NRXN1: variants seen among roughly 807,000 people sequenced by gnomAD.
NRXN1 encodes neurexin 1, also known as neurexin-1.
In NRXN1, 39 loss-of-function variants were observed where a neutral mutation model predicts 150.9. The ratio of observed to expected loss-of-function variants is 0.26; its 90% CI spans 0.20 to 0.34. The LOEUF is 0.34. NRXN1 is among the 10% of genes least tolerant of loss of function. The pLI, the probability that NRXN1 is intolerant of heterozygous loss-of-function variation, is 1.00. For missense variants in NRXN1, 1,815 were observed against 1,949.9 expected (o/e 0.93, Z 1.30); for synonymous variants, 924 against 757.0 (o/e 1.22, Z -3.62).
intron 9 of NRXN1, chr2:50,548,001 A>G (rs575070174): frequency 1.3e-5 from 2 of 152,296 alleles, no homozygotes; most frequent in South Asian, 2.1e-4. Flanking sequence ...AAAATGAGAA[A>G]GTTTTAGAAA....
At chr2:50,228,558 T>A (rs1256230759) in intron 18 of NRXN1, among the ~76,000 whole-genome samples, 1 of 152,040 alleles carries the variant, frequency 6.6e-6, no homozygotes, top group Non-Finnish European at 1.5e-5. Flanking sequence ...AGTATGGTAG[T>A]GACAGAAGTC....
chr2:49,982,062 T>C (rs745578941), intron 21 of NRXN1, among the ~76,000 whole-genome samples: 4 of 152,100 alleles, frequency 2.6e-5, no homozygotes, highest in Non-Finnish European at 5.9e-5. Context: ...CCAATGTACA[T>C]AAAGTCAAGA....
intron 21 of NRXN1, among the ~76,000 whole-genome samples, chr2:49,981,462 C>T (rs2152508251): frequency 6.6e-6 from 1 of 152,096 alleles, no homozygotes; most frequent in Middle Eastern, 3.4e-3. Flanking sequence ...AGTTGAGGCA[C>T]AACAATGGAC....
intron 8 of NRXN1, among the ~76,000 whole-genome samples, chr2:50,595,397 T>C (rs1408851181): frequency 6.7e-6 from 1 of 149,954 alleles, no homozygotes; most frequent in African/African-American, 2.5e-5. Context: ...CCCTTGATTA[T>C]GATTTATGGG....
At chr2:50,552,357 A>C (rs911487277) in intron 9 of NRXN1, among the ~76,000 whole-genome samples, 4 of 152,218 alleles carry the variant, frequency 2.6e-5, no homozygotes, top group African/African-American at 9.6e-5. Context: ...AGTTCATTTA[A>C]GAAGCTATTT....
chr2:50,720,495 G>T (rs907442527), intron 5 of NRXN1, among the ~76,000 whole-genome samples: 1 of 152,100 alleles, frequency 6.6e-6, no homozygotes, highest in African/African-American at 2.4e-5. Flanking sequence ...ATGCCATACT[G>T]TTGGTATGGT....
intron 21 of NRXN1, among the ~76,000 whole-genome samples, chr2:50,015,777 A>G (rs1161654416): frequency 1.3e-5 from 2 of 152,180 alleles, no homozygotes; most frequent in African/African-American, 4.8e-5. Flanking sequence ...TATAGCTGAA[A>G]GCACACTGAC....
intron 5 of NRXN1, among the ~76,000 whole-genome samples, chr2:50,862,131 G>C (rs1676227190): frequency 6.6e-6 from 1 of 151,718 alleles, no homozygotes. Context: ...GAACCAGGGA[G>C]GCAGAGGTTT....
chr2:50,867,209 C>T (rs1190158603), intron 5 of NRXN1, among the ~76,000 whole-genome samples: 1 of 151,790 alleles, frequency 6.6e-6, no homozygotes, highest in African/African-American at 2.4e-5. Context: ...TTTCTAAGGG[C>T]CCTCTTCCCA....
chr2:50,518,880 A>T lies in NRXN1; in HGVS notation c.2374+9745T>A, dbSNP rs182942919. ...CAGTATTTTTGAGATATTCTAGTAT[A>T]AACTTTTTCCAAAAGTAAGAAGCAT... On this transcript the variant is annotated intron_variant, in intron 12 of 22. Coordinates refer to ENST00000401669, the MANE Select transcript of NRXN1 (RefSeq NM_001330078.2). Among the ~76,000 whole-genome samples the T allele has an allele frequency of 3.0e-3, 456 of 149,586 alleles. 2 individuals are homozygous for T. The highest frequency in any genetic ancestry group is 0.011 in the African/African-American group (428 of 40,596).
chr2:50,628,004 G>T (rs13414145), intron 5 of NRXN1, among the ~76,000 whole-genome samples: 6,568 of 151,882 alleles, frequency 0.043, 234 homozygotes, highest in East Asian at 0.11. Flanking sequence ...TAGTTTAAAA[G>T]AGCAGGTAAT....
chr2:50,970,720 G>A (rs1363627153), intron 2 of NRXN1, among the ~76,000 whole-genome samples: 1 of 151,952 alleles, frequency 6.6e-6, no homozygotes, highest in East Asian at 1.9e-4. Context: ...AAGTTAAACA[G>A]AGGGTCGTTA....
chr2:50,894,678 T>A (rs1402517392), intron 5 of NRXN1, among the ~76,000 whole-genome samples: 2 of 152,150 alleles, frequency 1.3e-5, no homozygotes, highest in African/African-American at 4.8e-5. Context: ...TGGTGAGCCA[T>A]GTGGTTATAT....
intron 18 of NRXN1, among the ~76,000 whole-genome samples, chr2:50,234,821 A>C (rs1321220561): frequency 6.6e-6 from 1 of 152,000 alleles, no homozygotes. Flanking sequence ...ATTCAGAAAG[A>C]AGAAGGCCTT....
intron 5 of NRXN1, among the ~76,000 whole-genome samples, chr2:50,784,630 C>T (rs2105543187): frequency 6.6e-6 from 1 of 152,048 alleles, no homozygotes; most frequent in East Asian, 1.9e-4. Flanking sequence ...TAAAATTTAA[C>T]CTGTAGGTAA....
intron 12 of NRXN1, among the ~76,000 whole-genome samples, chr2:50,521,037 T>C (rs2092774232): frequency 6.6e-6 from 1 of 152,152 alleles, no homozygotes. Context: ...TAAAACATTT[T>C]AGAATTCTTT....
rs1006575027 is a variant in NRXN1, at chr2:50,544,141, C to A, written c.1760-5505G>T. On this transcript the variant is annotated intron_variant, in intron 9 of 22. Coordinates refer to ENST00000401669, the MANE Select transcript of NRXN1 (RefSeq NM_001330078.2). ...TAATTCTGCTCCACCTGTCCCTACACAAATGAATCAGATTTCACAAAGTTA... is the reference window on the plus strand; with the variant it reads ...TAATTCTGCTCCACCTGTCCCTACAAAAATGAATCAGATTTCACAAAGTTA... Among the ~76,000 whole-genome samples, 84 of 152,100 alleles carry A rather than the reference C, an allele frequency of 5.5e-4. 2 individuals are homozygous for A. The highest frequency in any genetic ancestry group is 1.5e-4 in the Non-Finnish European group (10 of 67,952).
intron 17 of NRXN1, among the ~76,000 whole-genome samples, chr2:50,310,487 T>C (rs2075082949): frequency 6.6e-6 from 1 of 152,234 alleles, no homozygotes; most frequent in African/African-American, 2.4e-5. Flanking sequence ...ATATTTTGTT[T>C]CTATTTTGAT....
chr2:50,995,209 T>C (rs1052546779), intron 2 of NRXN1, among the ~76,000 whole-genome samples: 4 of 151,958 alleles, frequency 2.6e-5, no homozygotes, highest in Non-Finnish European at 5.9e-5. Flanking sequence ...GGTCATTAAG[T>C]TACGCCTTAT....
Sources: allele counts gnomAD v4.1 joint callset (sites outside exome capture counted in the v4.1 genomes callset), GRCh38; gene constraint gnomAD v4.1.1; transcripts MANE v1.5; gene names NCBI Gene and HGNC (gene_info 2026-07-23, HGNC 2026-07-21).